Variants in FGF12 observed in about 807,000 individuals in gnomAD.
FGF12 encodes the protein fibroblast growth factor 12B.
Under a neutral mutation model 23.6 loss-of-function variants are expected in FGF12, and 14 were observed. The observed-to-expected ratio is 0.59, with a 90% CI of 0.39 to 0.93. FGF12 has a LOEUF of 0.93. Ranked by LOEUF, FGF12 falls within the 40% of genes least tolerant of loss-of-function variation. FGF12 has a pLI of 0.00. For synonymous variants in FGF12, 62 were observed against 77.3 expected, an observed-to-expected ratio of 0.80 and a Z score of 1.04; for missense variants, 175 against 217.8, an observed-to-expected ratio of 0.80 and a Z score of 1.24.
intron 2 of FGF12, among the ~76,000 whole-genome samples, chr3:192,383,724 T>C (rs898935307): frequency 6.6e-5 from 10 of 152,154 alleles, no homozygotes; most frequent in African/African-American, 2.4e-4. Flanking sequence ...TACATGCTTG[T>C]TTAAACATGA....
At chr3:192,333,466 G>A (rs1361484542) in intron 4 of FGF12, among the ~76,000 whole-genome samples, 1 of 151,708 alleles carries the variant, frequency 6.6e-6, no homozygotes, top group African/African-American at 2.4e-5. Context: ...ACAATAACTG[G>A]ACATTAAGAA....
At chr3:192,568,805 G>A (rs1324577786) in intron 2 of FGF12, among the ~76,000 whole-genome samples, 1 of 152,132 alleles carries the variant, frequency 6.6e-6, no homozygotes, top group African/African-American at 2.4e-5. Flanking sequence ...TCACTGTGAG[G>A]TAGTGTTCAA....
intron 2 of FGF12, among the ~76,000 whole-genome samples, chr3:192,512,803 ACT>A (rs1332898715): frequency 8.0e-6 from 1 of 124,720 alleles, no homozygotes; most frequent in Non-Finnish European, 1.7e-5. Context: ...GTTTTCACAG[ACT>A]CACTGTTAAA....
chr3:192,245,253 G>A (rs1479868983), intron 4 of FGF12, among the ~76,000 whole-genome samples: 1 of 151,416 alleles, frequency 6.6e-6, no homozygotes, highest in Non-Finnish European at 1.5e-5. Context: ...ATGACACCAT[G>A]CCCGGCAATT....
intron 2 of FGF12, among the ~76,000 whole-genome samples, chr3:192,554,201 C>T (rs1711657632): frequency 6.6e-6 from 1 of 152,146 alleles, no homozygotes; most frequent in South Asian, 2.1e-4. Context: ...AGACAGAGGC[C>T]TATGCCATTT....
intron 4 of FGF12, among the ~76,000 whole-genome samples, chr3:192,309,596 C>CT (rs1715830920): frequency 6.6e-6 from 1 of 152,146 alleles, no homozygotes; most frequent in African/African-American, 2.4e-5. Flanking sequence ...GAAAGGCAGA[C>CT]TACTTCTTCA....
intron 2 of FGF12, among the ~76,000 whole-genome samples, chr3:192,630,179 G>A (rs1473912095): frequency 6.6e-6 from 1 of 152,130 alleles, no homozygotes; most frequent in Non-Finnish European, 1.5e-5. Flanking sequence ...TGATGCGCCT[G>A]GTCCCTCTTT....
chr3:192,558,957 C>T (rs917228116), intron 2 of FGF12, among the ~76,000 whole-genome samples: 6 of 151,696 alleles, frequency 4.0e-5, no homozygotes, highest in African/African-American at 1.5e-4. Flanking sequence ...AACTCAAAGT[C>T]GATTAAAGAC....
At chr3:192,596,923 T>C (rs1713881718) in intron 2 of FGF12, among the ~76,000 whole-genome samples, 1 of 152,164 alleles carries the variant, frequency 6.6e-6, no homozygotes, top group Non-Finnish European at 1.5e-5. Context: ...GTGTAGAAAG[T>C]GGATAAATGC....
intron 2 of FGF12, among the ~76,000 whole-genome samples, chr3:192,685,543 T>C (rs1053125301): frequency 6.6e-6 from 1 of 152,120 alleles, no homozygotes; most frequent in African/African-American, 2.4e-5. Flanking sequence ...AAAATTCAAA[T>C]AACTGTAAAA....
chr3:192,578,797 G>A lies in FGF12; in HGVS notation c.13+148384C>T, dbSNP rs1049761261. On this transcript the variant is annotated intron_variant, in intron 2 of 5. Coordinates refer to ENST00000445105, the MANE Select transcript of FGF12 (RefSeq NM_004113.6). ...GGTCACCATATGTAAAATGATTTGCGGATTTGATTTTAGTTCTCCTGTTAT... is the reference window on the plus strand; with the variant it reads ...GGTCACCATATGTAAAATGATTTGCAGATTTGATTTTAGTTCTCCTGTTAT... Among the ~76,000 whole-genome samples the A allele has an allele frequency of 3.9e-5, 6 of 152,192 alleles. No individual in the cohort carries two copies. The East Asian group carries it at 7.7e-4, about 20-fold the overall frequency.
At chr3:192,406,281 A>G (rs1413373079) in intron 2 of FGF12, among the ~76,000 whole-genome samples, 1 of 151,832 alleles carries the variant, frequency 6.6e-6, no homozygotes, top group African/African-American at 2.4e-5. Flanking sequence ...ACCCGTTCAC[A>G]TATATCCACC....
chr3:192,516,829 G>A (rs1724683374), intron 2 of FGF12: 1 of 152,226 alleles, frequency 6.6e-6, no homozygotes, highest in South Asian at 2.1e-4. Flanking sequence ...CACCGAAGAA[G>A]TTATGCAGCC....
intron 2 of FGF12, among the ~76,000 whole-genome samples, chr3:192,595,255 A>G (rs1013340036): frequency 4.6e-5 from 7 of 152,212 alleles, no homozygotes; most frequent in African/African-American, 1.7e-4. Context: ...TAAGACAGTC[A>G]TGCTTTCTTT....
chr3:192,350,615 A>C (rs1000017701), intron 3 of FGF12, among the ~76,000 whole-genome samples: 27 of 152,136 alleles, frequency 1.8e-4, no homozygotes, highest in African/African-American at 6.5e-4. Context: ...GACATTCCAG[A>C]AAGAGGGGGA....
chr3:192,457,332 G>A (rs1408703309), intron 2 of FGF12, among the ~76,000 whole-genome samples: 1 of 152,214 alleles, frequency 6.6e-6, no homozygotes, highest in Non-Finnish European at 1.5e-5. Context: ...GGAACACTTT[G>A]TAGGGTTCAG....
intron 2 of FGF12, among the ~76,000 whole-genome samples, chr3:192,382,483 C>G (rs1393668499): frequency 1.3e-5 from 2 of 152,158 alleles, no homozygotes; most frequent in African/African-American, 4.8e-5. Context: ...GAATAATGGC[C>G]TTTCTTCGCT....
chr3:192,184,834 G>C (rs1716366885), intron 4 of FGF12, among the ~76,000 whole-genome samples: 1 of 152,136 alleles, frequency 6.6e-6, no homozygotes, highest in East Asian at 1.9e-4. Flanking sequence ...TACAGTGTTG[G>C]ATTACAAATC....
intron 4 of FGF12, chr3:192,283,224 A>G (rs1560050844): frequency 1.3e-5 from 2 of 152,140 alleles, no homozygotes; most frequent in Admixed American, 1.3e-4. Flanking sequence ...GAACATATGG[A>G]ACCACAGTCT....
Sources: gnomAD v4.1 joint callset for allele counts (sites outside exome capture counted in the v4.1 genomes callset) on GRCh38, gnomAD v4.1.1 for gene constraint, MANE v1.5 for transcripts, NCBI Gene and HGNC (gene_info 2026-07-23, HGNC 2026-07-21) for gene names.